Variants in DOT1L observed in about 807,000 individuals in gnomAD.
DOT1L encodes DOT1 like histone lysine methyltransferase, also known as histone-lysine N-methyltransferase, H3 lysine-79 specific.
A neutral mutation model predicts 153.3 loss-of-function variants in DOT1L; 33 were observed. That is an observed-to-expected ratio of 0.22 (90% CI 0.16 to 0.29). The LOEUF (loss-of-function observed/expected upper bound fraction) is 0.29. DOT1L is among the 10% of genes least tolerant of loss of function. The pLI, the probability that DOT1L is intolerant of heterozygous loss-of-function variation, is 1.00. For synonymous variants in DOT1L, 1,135 were observed against 965.1 expected (o/e 1.18, Z -3.26); for missense variants, 1,847 against 2,119.9 (o/e 0.87, Z 2.53).
chr19:2,229,623 G>A (rs937808465), intron 27 of DOT1L, 162 bp from the exon 28 acceptor site: 18 of 985,324 alleles, frequency 1.8e-5, no homozygotes, highest in African/African-American at 1.7e-4. Flanking sequence ...CACGCCCGTC[G>A]TCTGTTGTGG....
intron 1 of DOT1L, among the ~76,000 whole-genome samples, chr19:2,179,991 G>C (rs1420105583): frequency 6.6e-6 from 1 of 152,186 alleles, no homozygotes; most frequent in Non-Finnish European, 1.5e-5. Flanking sequence ...TGTGGAGTCG[G>C]AGAGGCTTGG....
chr19:2,216,861 T>C, intron 20 of DOT1L, 94 bp from the exon 21 acceptor site: 25 of 1,558,038 alleles, frequency 1.6e-5, no homozygotes, highest in Non-Finnish European at 2.2e-5. Context: ...AGTGTGTTTG[T>C]TGAGGAGACT....
In DOT1L at chr19:2,197,345, G is replaced by A. The variant is rs970416376; in HGVS notation, c.652-2539G>A. On this transcript the variant is annotated intron_variant, in intron 7 of 27. Transcript: ENST00000398665. The surrounding 1 kb of genome is among the most constrained non-coding windows in gnomAD (Gnocchi z 4.1). Reference sequence around the variant, plus strand: ...GTTCCCACATGGGTTCCTGGCTGTGGCAGGCGAGCCACACAGATCCCAGCA... The same window carrying A: ...GTTCCCACATGGGTTCCTGGCTGTGACAGGCGAGCCACACAGATCCCAGCA... Among the ~76,000 whole-genome samples, 2 of 152,218 alleles carry A rather than the reference G, an allele frequency of 1.3e-5. No individual in the cohort carries two copies. The highest frequency in any genetic ancestry group is 2.9e-5 in the Non-Finnish European group (2 of 68,048).
chr19:2,172,976 CA>C (rs35030730), intron 1 of DOT1L, among the ~76,000 whole-genome samples: 12,273 of 124,108 alleles, frequency 0.099, 821 homozygotes, highest in African/African-American at 0.22. Context: ...GACTCCATCT[CA>C]AAAAAAAAAA....
intron 27 of DOT1L, chr19:2,228,038 C>T (rs1255455219): frequency 1.5e-6 from 2 of 1,304,082 alleles, no homozygotes; most frequent in Non-Finnish European, 1.0e-6. Context: ...CGCTGCTGGC[C>T]TCTAACCCTG....
chr19:2,218,904 C>T (rs1420449796), intron 22 of DOT1L, among the ~76,000 whole-genome samples: 1 of 151,948 alleles, frequency 6.6e-6, no homozygotes, highest in African/African-American at 2.4e-5. Flanking sequence ...TGCTCTGTTG[C>T]CCAGGCTGGA....
chr19:2,232,059 G>A lies in DOT1L; in HGVS notation c.*2267G>A. 4.7e-6 allele frequency: 1 copy of A among 212,112 alleles called. No homozygotes were observed. The highest frequency in any genetic ancestry group is 9.5e-6 in the Non-Finnish European group (1 of 104,716). The allele number at this position is 212,112 out of a possible 1,614,324, so 13.1% of individuals were successfully genotyped here. On this transcript the variant is annotated 3_prime_UTR_variant, in exon 28 of 28. Transcript: ENST00000398665. ...CAGACTGAGGGGTGGTGTGTGGCGG[G>A]TGGCAGGGTGGCTGTGGAGACTGGG...
chr19:2,194,640 T>A, intron 7 of DOT1L, 63 bp downstream of exon 7: 2 of 1,239,976 alleles, frequency 1.6e-6, no homozygotes, highest in Non-Finnish European at 2.2e-6. Flanking sequence ...CACCCTCCTG[T>A]CAGCCCCTCC....
intron 25 of DOT1L, among the ~76,000 whole-genome samples, 171 bp from the exon 26 acceptor site, chr19:2,225,217 C>T (rs1400829609): frequency 6.6e-6 from 1 of 152,152 alleles, no homozygotes; most frequent in Non-Finnish European, 1.5e-5. Context: ...ATCCCAGGGC[C>T]CAGCCACCCA....
chr19:2,182,003 G>A (rs1157372461), intron 2 of DOT1L, among the ~76,000 whole-genome samples: 3 of 152,112 alleles, frequency 2.0e-5, no homozygotes, highest in Admixed American at 6.5e-5. Context: ...CAGGGAGATC[G>A]CTTGAGGCCA....
rs72985410 is a variant in DOT1L at position 2,167,027 on chromosome 19, T to G, written c.81+2762T>G. ...TCCGTGTTGCTGCAGGTTTCAAAAGTTACCCCATTTTTTTGCTGACTGTAA... is the reference window on the plus strand; with the variant it reads ...TCCGTGTTGCTGCAGGTTTCAAAAGGTACCCCATTTTTTTGCTGACTGTAA... On this transcript the variant is annotated intron_variant, in intron 1 of 27. Coordinates refer to ENST00000398665, the MANE Select transcript of DOT1L (RefSeq NM_032482.3). Among the ~76,000 whole-genome samples, 869 of 152,306 alleles carry G rather than the reference T, an allele frequency of 5.7e-3. 4 individuals carry two copies. The highest frequency in any genetic ancestry group is 0.014 in the Middle Eastern group (4 of 294).
intron 9 of DOT1L, among the ~76,000 whole-genome samples, chr19:2,203,912 C>T (rs889969638): frequency 7.2e-5 from 11 of 152,234 alleles, no homozygotes; most frequent in South Asian, 2.1e-4. Flanking sequence ...CGAAGACAGG[C>T]GCTCTGGGGG....
intron 1 of DOT1L, among the ~76,000 whole-genome samples, chr19:2,171,487 C>T (rs925600420): frequency 1.3e-5 from 2 of 152,168 alleles, no homozygotes; most frequent in Non-Finnish European, 2.9e-5. Flanking sequence ...CGGTTGTCAC[C>T]ACCGGGGTGG....
chr19:2,215,724 G>A (rs1376753570), intron 19 of DOT1L: 1 of 152,442 alleles, frequency 6.6e-6, no homozygotes, highest in Non-Finnish European at 1.5e-5. Context: ...AGAAACGGAG[G>A]TCGCCGACCT....
rs777829864 is a variant in DOT1L, at chr19:2,208,918, CTCTT to C, written c.964-12_964-9del. 16 of 1,611,978 alleles carry C rather than the reference CTCTT, an allele frequency of 9.9e-6. No individual in the cohort carries two copies. Among genetic ancestry groups the C allele is most frequent in the African/African-American group, 8.0e-5 (6 of 74,740 alleles). On this transcript the variant is annotated splice_polypyrimidine_tract_variant and intron_variant, in intron 11 of 27. Transcript: ENST00000398665. This position sits in a 1 kb window ranked among gnomAD's most constrained non-coding sequence, Gnocchi z 4.4. ...TTGGGACTCCCTTCTAATCAGGGTT[CTCTT>C]TCTTCTTTTTAGCTTGAAAACTATT... is the stretch of plus-strand genomic sequence containing the variant.
At chr19:2,170,041 G>A (rs911225378) in intron 1 of DOT1L, among the ~76,000 whole-genome samples, 6 of 152,068 alleles carry the variant, frequency 3.9e-5, no homozygotes, top group Admixed American at 6.6e-5. Flanking sequence ...CCTATAATCC[G>A]GAGAATTGCT....
In DOT1L at chr19:2,168,501, T is replaced by G. The variant is rs146017256; in HGVS notation, c.81+4236T>G. On this transcript the variant is annotated intron_variant, in intron 1 of 27. Coordinates refer to ENST00000398665, the MANE Select transcript of DOT1L (RefSeq NM_032482.3). ...AGCCACAACTGTCCACGCTCGGAAA[T>G]GAGCAGTTCGGAAGGGGTTTGCCCA... 7.3e-3 allele frequency among the ~76,000 whole-genome samples: 1,107 copies of G among 152,190 alleles called. 17 individuals are homozygous for G. Among genetic ancestry groups the G allele is most frequent in the Middle Eastern group, 0.038 (11 of 292 alleles).
chr19:2,228,876 G>A, intron 27 of DOT1L: 12 of 985,430 alleles, frequency 1.2e-5, no homozygotes, highest in Non-Finnish European at 1.4e-5. Context: ...TCTGGTCGGG[G>A]CTGTCTGGCC....
chr19:2,187,102 C>G (rs757438428), intron 3 of DOT1L, among the ~76,000 whole-genome samples: 1 of 152,202 alleles, frequency 6.6e-6, no homozygotes, highest in Non-Finnish European at 1.5e-5. Flanking sequence ...AGCTTCTTAC[C>G]GCAGCTTGGG....
Sources: allele counts gnomAD v4.1 joint callset (sites outside exome capture counted in the v4.1 genomes callset), GRCh38; gene constraint gnomAD v4.1.1; non-coding constraint Gnocchi (gnomAD v3.1); transcripts MANE v1.5; gene names NCBI Gene and HGNC (gene_info 2026-07-23, HGNC 2026-07-21).